MGAM2: variants seen among roughly 807,000 people sequenced by gnomAD.
MGAM2 encodes the protein maltase-glucoamylase 2 (putative), also known as probable maltase-glucoamylase 2.
In MGAM2, 98 loss-of-function variants were observed where a neutral mutation model predicts 96.1. The observed-to-expected ratio is 1.02, with a 90% confidence interval of 0.87 to 1.21. The LOEUF (loss-of-function observed/expected upper bound fraction) is 1.21. Among genes scored for constraint, MGAM2 ranks in the 50% most tolerant of loss-of-function variants. MGAM2 has a pLI of 0.00. For synonymous variants in MGAM2, 749 were observed against 414.8 expected (o/e 1.81, Z -9.79); for missense variants, 2,055 against 1,182.4 (o/e 1.74, Z -10.82).
intron 46 of MGAM2, among the ~76,000 whole-genome samples, chr7:142,216,981 CT>C (rs1797782238): frequency 6.6e-6 from 1 of 152,184 alleles, no homozygotes; most frequent in Non-Finnish European, 1.5e-5. Flanking sequence ...ATGAATGTGG[CT>C]TTGTTCAATG....
chr7:142,198,374 A>T (rs1797116263), intron 43 of MGAM2, among the ~76,000 whole-genome samples, 179 bp downstream of exon 43: 1 of 152,166 alleles, frequency 6.6e-6, no homozygotes, highest in Non-Finnish European at 1.5e-5. Context: ...AAGCACCTAC[A>T]TCTCATTGAA....
Position 142,132,035 on chromosome 7 carries a change from T to C in MGAM2, c.525T>C (p.Thr175=). The C allele has an allele frequency of 1.4e-6, 1 of 703,252 alleles. No individual in the cohort carries two copies. The highest frequency in any genetic ancestry group is 2.6e-6 in the Non-Finnish European group (1 of 385,034). 43.6% of individuals were successfully genotyped at this position (703,252 alleles called of 1,614,324 possible). Residue 175 remains threonine (T), a synonymous_variant, in exon 6 of 48, where the codon ACT becomes ACC. Coordinates refer to ENST00000477922, the MANE Select transcript of MGAM2 (RefSeq NM_001293626.2). The part of the protein sequence containing the change: ...ASNLSYYVEV[T]DKPFSIKIMR... ...ATTTGAGCTATTACGTGGAGGTTACTGATAAACCTTTCAGCATCAAAATAA... is the reference window on the plus strand; with the variant it reads ...ATTTGAGCTATTACGTGGAGGTTACCGATAAACCTTTCAGCATCAAAATAA...
At chr7:142,187,654 G>A in intron 35 of MGAM2, 96 bp from the exon 36 acceptor site, 3 of 636,214 alleles carry the variant, frequency 4.7e-6, no homozygotes, top group Non-Finnish European at 8.6e-6. Flanking sequence ...GCTGAGCTGA[G>A]GGCTTCAAAA....
chr7:142,136,415 T>C (rs900884427), intron 7 of MGAM2, 126 bp from the exon 8 acceptor site: 3 of 440,674 alleles, frequency 6.8e-6, no homozygotes, highest in Non-Finnish European at 1.2e-5. Context: ...GCCTTTTTGA[T>C]ACAATGTTAA....
At position 142,145,693 on chromosome 7, in the gene MGAM2, G is replaced by A. The variant is rs554316455; in HGVS notation, c.1516+748G>A. 4.6e-4 allele frequency among the ~76,000 whole-genome samples: 70 copies of A among 152,192 alleles called. No individual in the cohort carries two copies. In the South Asian group the frequency reaches 6.4e-3, roughly 14 times the overall value. On this transcript the variant is annotated intron_variant, in intron 14 of 47. Coordinates refer to ENST00000477922, the MANE Select transcript of MGAM2 (RefSeq NM_001293626.2). The stretch of plus-strand genomic sequence containing the variant: ...GTGACTTGAATCCAAGTGGTGACTC[G>A]GATCTATGTCTGGTTCTCCCATCTC...
chr7:142,120,698 G>A (rs542297063), intron 3 of MGAM2, among the ~76,000 whole-genome samples: 16 of 152,132 alleles, frequency 1.1e-4, no homozygotes, highest in Admixed American at 2.0e-4. Flanking sequence ...AAATGTTTGT[G>A]GGCTAGACTA....
Position 142,167,289 on chromosome 7 carries a change from C to T in MGAM2, c.2830C>T (p.Pro944Ser), listed in dbSNP as rs1490168926. 2.9e-6 allele frequency: 2 copies of T among 699,306 alleles called. No individual in the cohort carries two copies. Among genetic ancestry groups the T allele is most frequent in the East Asian group, 2.7e-5 (1 of 37,232 alleles). 43.3% of individuals were successfully genotyped at this position (699,306 alleles called of 1,614,324 possible). A position where few individuals can be genotyped will look rare whatever the true frequency, so the allele number is the denominator to read the frequency against. ...LWEDTSTPGV[P>S]TCYYDTIPNY... Reference sequence around the variant, plus strand: ...CCAGGACACATCTACTCCTGGAGTGCCCACCTGTTACTATGACACCATCCC... The same window carrying T: ...CCAGGACACATCTACTCCTGGAGTGTCCACCTGTTACTATGACACCATCCC... The change falls in exon 26 of 48, where the codon CCC (proline) becomes TCC (serine). Residue 944 changes from proline (P) to serine (S), a missense_variant. Transcript: ENST00000477922.
chr7:142,124,214 C>T (rs752336041), intron 3 of MGAM2, among the ~76,000 whole-genome samples: 9 of 152,054 alleles, frequency 5.9e-5, no homozygotes, highest in East Asian at 3.9e-4. Flanking sequence ...CCTTGTGATC[C>T]GCCCACCTCA....
chr7:142,221,908 A>G lies in MGAM2; in HGVS notation c.7397A>G (p.Tyr2466Cys), dbSNP rs1797943570. 1 of 399,794 alleles carries G rather than the reference A, an allele frequency of 2.5e-6. No individual in the cohort carries two copies. Among genetic ancestry groups the G allele is most frequent in the Non-Finnish European group, 4.4e-6 (1 of 226,960 alleles). 24.8% of individuals were successfully genotyped at this position (399,794 alleles called of 1,614,324 possible). A position where few individuals can be genotyped will look rare whatever the true frequency, so the allele number is the denominator to read the frequency against. ...ATGGTAATAAATTCTGTGGCTACTT[A>G]TTTACCTATTACTGCAACTAGTGCT... is the stretch of plus-strand genomic sequence containing the variant. ...PHMVINSVAT[Y>C]LPITATSATT... is the part of the protein sequence containing the mutation. Residue 2466 changes from tyrosine (Y) to cysteine (C), a missense_variant, in exon 48 of 48, where the codon TAT becomes TGT. Coordinates refer to ENST00000477922, the MANE Select transcript of MGAM2 (RefSeq NM_001293626.2).
At position 142,186,128 on chromosome 7, in the gene MGAM2, G is replaced by A; in HGVS notation, c.4122+5G>A. On this transcript the variant is annotated splice_donor_5th_base_variant and intron_variant, in intron 35 of 47. Coordinates refer to ENST00000477922, the MANE Select transcript of MGAM2 (RefSeq NM_001293626.2). The stretch of plus-strand genomic sequence containing the variant: ...AAGTTTGATGGATTGTGGATTGTAA[G>A]TGCACCCTTGGTTGTCTTTTTTTTT... 1.4e-6 allele frequency: 1 copy of A among 695,608 alleles called. No individual in the cohort carries two copies. The highest frequency in any genetic ancestry group is 2.6e-6 in the Non-Finnish European group (1 of 382,460). 43.1% of individuals were successfully genotyped at this position (695,608 alleles called of 1,614,324 possible).
chr7:142,151,142 G>A (rs552315239), intron 15 of MGAM2, among the ~76,000 whole-genome samples: 67 of 152,256 alleles, frequency 4.4e-4, no homozygotes, highest in South Asian at 1.5e-3. Context: ...TGAGGGCAAA[G>A]TCAGCCCATA....
At chr7:142,200,914 T>C (rs1042125064) in intron 45 of MGAM2, among the ~76,000 whole-genome samples, 1 of 152,036 alleles carries the variant, frequency 6.6e-6, no homozygotes, top group Admixed American at 6.6e-5. Flanking sequence ...ATTTAATTTG[T>C]GAATCCTGTT....
Position 142,143,822 on chromosome 7 carries a change from G to C in MGAM2, c.1371G>C (p.Glu457Asp). 1 of 702,786 alleles carries C rather than the reference G, an allele frequency of 1.4e-6. No homozygotes were observed. Among genetic ancestry groups the C allele is most frequent in the Non-Finnish European group, 2.6e-6 (1 of 384,828 alleles). The allele number at this position is 702,786 out of a possible 1,614,324, so 43.5% of individuals were successfully genotyped here. A position where few individuals can be genotyped will look rare whatever the true frequency, so the allele number is the denominator to read the frequency against. ...FPDYTNPVCT[E>D]WWTDQVAKFH... ...ATTATACCAATCCAGTATGCACTGAGTGGTGGACAGATCAGGTCGCTAAAT... is the reference window on the plus strand; with the variant it reads ...ATTATACCAATCCAGTATGCACTGACTGGTGGACAGATCAGGTCGCTAAAT... The change falls in exon 13 of 48, where the codon GAG becomes GAC. Residue 457 changes from glutamate (E) to aspartate (D), a missense_variant. Glu to Asp is a conservative substitution (Grantham distance 45). Coordinates refer to ENST00000477922, the MANE Select transcript of MGAM2 (RefSeq NM_001293626.2).
Position 142,185,157 on chromosome 7 carries a change from T to C in MGAM2, c.3987+18T>C. ...AGGTTAAGGTACAGTTGTATATAGA[T>C]TTTTGTCAACATTGCCCTAAACATC... On this transcript the variant is annotated intron_variant, in intron 34 of 47. Transcript: ENST00000477922. 1 of 701,880 alleles carries C rather than the reference T, an allele frequency of 1.4e-6. No homozygotes were observed. Among genetic ancestry groups the C allele is most frequent in the Non-Finnish European group, 2.6e-6 (1 of 384,558 alleles). The allele number at this position is 701,880 out of a possible 1,614,324, so 43.5% of individuals were successfully genotyped here.
chr7:142,217,009 T>A (rs184547175), intron 46 of MGAM2, among the ~76,000 whole-genome samples: 5 of 152,290 alleles, frequency 3.3e-5, no homozygotes, highest in African/African-American at 1.2e-4. Context: ...TGTACCCCTA[T>A]TTCCTGTCTC....
chr7:142,219,678 T>C (rs917629679), intron 47 of MGAM2, among the ~76,000 whole-genome samples, 192 bp from the exon 48 acceptor site: 3 of 152,166 alleles, frequency 2.0e-5, no homozygotes, highest in African/African-American at 7.2e-5. Context: ...ATAGGGATTA[T>C]GCACACAGAG....
At position 142,134,148 on chromosome 7, in the gene MGAM2, C is replaced by T; in HGVS notation, c.743C>T (p.Thr248Ile). The T allele has an allele frequency of 1.3e-6, 1 of 741,928 alleles. No individual in the cohort carries two copies. The highest frequency in any genetic ancestry group is 1.8e-5 in the Admixed American group (1 of 55,412). 46.0% of individuals were successfully genotyped at this position (741,928 alleles called of 1,614,324 possible). The stretch of plus-strand genomic sequence containing the variant: ...ATCTTCACCCGGGACGCTACCCCCA[C>T]CGAGGTGAGGTGGCTTTCCTCCTGA... Reference protein sequence around the residue: ...WPIFTRDATPTEGMINLYGAH... With the variant: ...WPIFTRDATPIEGMINLYGAH... The change falls in exon 7 of 48, where the codon ACC becomes ATC. Residue 248 changes from threonine to isoleucine, a missense_variant. Physicochemically the swap from Thr to Ile is moderately conservative, Grantham distance 89. Transcript: ENST00000477922.
intron 37 of MGAM2, among the ~76,000 whole-genome samples, chr7:142,193,378 A>G (rs1238363863): frequency 6.6e-6 from 1 of 152,116 alleles, no homozygotes; most frequent in African/African-American, 2.4e-5. Flanking sequence ...ACCTGGGGAG[A>G]AGACCATGTC....
chr7:142,138,822 G>C (rs1015948800), intron 10 of MGAM2, among the ~76,000 whole-genome samples, 155 bp downstream of exon 10: 1 of 152,178 alleles, frequency 6.6e-6, no homozygotes, highest in Non-Finnish European at 1.5e-5. Flanking sequence ...TTATGTATCT[G>C]AGCATGAAAA....
Sources: gnomAD v4.1 joint callset for allele counts (sites outside exome capture counted in the v4.1 genomes callset) on GRCh38, gnomAD v4.1.1 for gene constraint, MANE v1.5 for transcripts, NCBI Gene and HGNC (gene_info 2026-07-23, HGNC 2026-07-21) for gene names.